PIK3C2A: variants seen among roughly 807,000 people sequenced by gnomAD.
PIK3C2A encodes phosphatidylinositol-4-phosphate 3-kinase catalytic subunit type 2 alpha.
Under a neutral mutation model 204.5 loss-of-function variants are expected in PIK3C2A, and 97 were observed. The observed-to-expected ratio is 0.47, with a 90% CI of 0.40 to 0.56. The LOEUF is 0.56. Ranked by LOEUF, PIK3C2A falls within the 20% of genes least tolerant of loss-of-function variation. PIK3C2A has a pLI of 0.00. For missense variants in PIK3C2A, 1,735 were observed against 1,969.2 expected (o/e 0.88, Z 2.25); for synonymous variants, 653 against 664.4 (o/e 0.98, Z 0.26).
chr11:17,105,254 T>G lies in PIK3C2A; in HGVS notation c.3596A>C (p.Glu1199Ala). ...TTTAAAGGATCCTGTCACACCATAT[T>G]CCACTTGGATTTTCCTGAGGGTATC... Reference protein sequence around the residue: ...ASDTLRKIQVEYGVTGSFKDK... With the variant: ...ASDTLRKIQVAYGVTGSFKDK... Residue 1199 changes from glutamate (E) to alanine (A), a missense_variant, in exon 23 of 33, where the codon GAA becomes GCA. Glu to Ala is a moderately radical substitution (Grantham distance 107). Around this residue, in one of 6 missense-constraint regions of PIK3C2A, gnomAD observed 503 missense variants for 669.0 expected, o/e 0.75. Coordinates refer to ENST00000691414, the MANE Select transcript of PIK3C2A (RefSeq NM_002645.4). The G allele has an allele frequency of 6.2e-7, 1 of 1,610,578 alleles. No homozygotes were observed. The highest frequency in any genetic ancestry group is 8.5e-7 in the Non-Finnish European group (1 of 1,177,682).
chr11:17,170,074 T>C (rs1326139430), intron 1 of PIK3C2A, among the ~76,000 whole-genome samples: 1 of 152,210 alleles, frequency 6.6e-6, no homozygotes, highest in Non-Finnish European at 1.5e-5. Context: ...TTTAGACGCT[T>C]TCATTTTAGC....
chr11:17,179,643 TCTCA>T (rs1368007385), intron 1 of PIK3C2A, among the ~76,000 whole-genome samples: 1 of 152,122 alleles, frequency 6.6e-6, no homozygotes, highest in Non-Finnish European at 1.5e-5. Context: ...AGAGACAAGG[TCTCA>T]CTCTATCACT....
In PIK3C2A at chr11:17,119,748, G is replaced by T. The variant is rs369671639; in HGVS notation, c.2846+38C>A. The T allele has an allele frequency of 1.8e-4, 243 of 1,315,734 alleles. No individual in the cohort carries two copies. Among genetic ancestry groups the T allele is most frequent in the Non-Finnish European group, 2.4e-4 (229 of 962,664 alleles). The allele number at this position is 1,315,734 out of a possible 1,614,324, so 81.5% of individuals were successfully genotyped here. On this transcript the variant is annotated intron_variant, in intron 16 of 32. Transcript: ENST00000691414. ...GGCAACATACCTTACTGGAAAAACT[G>T]ACAATAAAACAAGAGCAAATAAATG...
chr11:17,134,022 C>G (rs1849789002), intron 11 of PIK3C2A, among the ~76,000 whole-genome samples: 1 of 151,790 alleles, frequency 6.6e-6, no homozygotes, highest in Non-Finnish European at 1.5e-5. Context: ...GCTCTGTTTT[C>G]CTGCTATATT....
intron 1 of PIK3C2A, among the ~76,000 whole-genome samples, chr11:17,185,013 T>C (rs911685486): frequency 3.3e-5 from 5 of 152,072 alleles, no homozygotes; most frequent in African/African-American, 4.8e-5. Context: ...ATGTACAGTG[T>C]TTATAAAATC....
At chr11:17,134,037 T>C (rs995241582) in intron 11 of PIK3C2A, among the ~76,000 whole-genome samples, 1 of 152,198 alleles carries the variant, frequency 6.6e-6, no homozygotes, top group Admixed American at 6.5e-5. Flanking sequence ...TATATTTTCC[T>C]GCTTTTGGCA....
chr11:17,129,212 T>C, intron 13 of PIK3C2A, 88 bp downstream of exon 13: 2 of 1,000,580 alleles, frequency 2.0e-6, no homozygotes. Context: ...CTCATCTATG[T>C]TCCTCCCCTC....
chr11:17,106,123 C>T (rs967019248), intron 22 of PIK3C2A, among the ~76,000 whole-genome samples: 1 of 132,098 alleles, frequency 7.6e-6, no homozygotes, highest in Non-Finnish European at 1.6e-5. Context: ...AAAAAAAAAT[C>T]AAGTCTGGCC....
rs1440560819 is a variant in PIK3C2A, at chr11:17,155,125, T to C, written c.1169+401A>G. ...TTTTTCTAAACTTCAGAAAATATATTTGCTCTTCTAAACTTGCCTATTATA... is the reference window on the plus strand; with the variant it reads ...TTTTTCTAAACTTCAGAAAATATATCTGCTCTTCTAAACTTGCCTATTATA... On this transcript the variant is annotated intron_variant, in intron 3 of 32. Coordinates refer to ENST00000691414, the MANE Select transcript of PIK3C2A (RefSeq NM_002645.4). 2.0e-5 allele frequency among the ~76,000 whole-genome samples: 3 copies of C among 152,320 alleles called. No homozygotes were observed. The East Asian group carries it at 5.8e-4, about 29-fold the overall frequency.
chr11:17,148,536 ATT>A, intron 5 of PIK3C2A, 129 bp downstream of exon 5: 8 of 753,488 alleles, frequency 1.1e-5, no homozygotes, highest in Non-Finnish European at 1.5e-5. Context: ...ATAAAAGTTT[ATT>A]GATTCAATAA....
At chr11:17,149,490 T>C (rs1850359676) in intron 4 of PIK3C2A, among the ~76,000 whole-genome samples, 2 of 152,352 alleles carry the variant, frequency 1.3e-5, no homozygotes, top group South Asian at 4.1e-4. Flanking sequence ...CCACAGATGA[T>C]ATTTAGCAGT....
chr11:17,185,997 G>C lies in PIK3C2A; in HGVS notation c.-65-16191C>G, dbSNP rs148543320. Among the ~76,000 whole-genome samples the C allele has an allele frequency of 3.2e-4, 48 of 152,190 alleles. No individual in the cohort carries two copies. In the East Asian group the frequency reaches 8.3e-3, roughly 26 times the overall value. ...AGAGAAAAGGTACAATCTTTACAAT[G>C]GCCCACCAGGCACACTAATATTTGG... On this transcript the variant is annotated intron_variant, in intron 1 of 32. Coordinates refer to ENST00000691414, the MANE Select transcript of PIK3C2A (RefSeq NM_002645.4).
Position 17,112,608 on chromosome 11 carries a change from T to C in PIK3C2A, c.3380A>G (p.Asp1127Gly). ...GACATTAATTTCTTCTCCCATAGGG[T>C]CAGCATTCACCATTGTGACTTTTAG... ...VPLKVTMVNA[D>G]PMGEEINVMF... Residue 1127 changes from aspartate (D) to glycine (G), a missense_variant, in exon 21 of 33, where the codon GAC becomes GGC. Around this residue, in one of 6 missense-constraint regions of PIK3C2A, gnomAD observed 567 missense variants for 576.0 expected, o/e 0.98. Coordinates refer to ENST00000691414, the MANE Select transcript of PIK3C2A (RefSeq NM_002645.4). 6.4e-7 allele frequency: 1 copy of C among 1,560,172 alleles called. No individual in the cohort carries two copies. Among genetic ancestry groups the C allele is most frequent in the Non-Finnish European group, 8.7e-7 (1 of 1,146,700 alleles).
At chr11:17,172,895 G>C (rs1284936681) in intron 1 of PIK3C2A, among the ~76,000 whole-genome samples, 5 of 152,120 alleles carry the variant, frequency 3.3e-5, no homozygotes. Context: ...CCATATTGAA[G>C]GGGGGGAAAT....
intron 3 of PIK3C2A, among the ~76,000 whole-genome samples, chr11:17,153,695 T>C (rs959849267): frequency 1.3e-5 from 2 of 152,230 alleles, no homozygotes; most frequent in Admixed American, 6.5e-5. Flanking sequence ...GTCTGTTTTG[T>C]ATTTTATCTT....
At chr11:17,161,655 AAAAC>A (rs1850779617) in intron 2 of PIK3C2A, among the ~76,000 whole-genome samples, 1 of 152,192 alleles carries the variant, frequency 6.6e-6, no homozygotes, top group Non-Finnish European at 1.5e-5. Flanking sequence ...TATTATTAAT[AAAAC>A]AAAGGACACT....
At chr11:17,095,217 C>T (rs139550861) in intron 27 of PIK3C2A, among the ~76,000 whole-genome samples, 259 of 152,144 alleles carry the variant, frequency 1.7e-3, no homozygotes, top group Middle Eastern at 0.01. Context: ...AATGAGCCAA[C>T]ACTGCATCAC....
intron 8 of PIK3C2A, among the ~76,000 whole-genome samples, chr11:17,139,143 C>T (rs1256221193): frequency 2.0e-5 from 3 of 152,072 alleles, no homozygotes; most frequent in African/African-American, 7.2e-5. Context: ...AAACTCCTGA[C>T]CTCAGGTGAT....
At chr11:17,115,250 T>A (rs931562864) in intron 19 of PIK3C2A, among the ~76,000 whole-genome samples, 2 of 151,336 alleles carry the variant, frequency 1.3e-5, no homozygotes, top group African/African-American at 2.4e-5. Context: ...AAAAAAAGTA[T>A]AGGCTGGGTG....
Sources: allele counts gnomAD v4.1 joint callset (sites outside exome capture counted in the v4.1 genomes callset), GRCh38; gene constraint gnomAD v4.1.1; regional missense constraint gnomAD v4.1.1; transcripts MANE v1.5; gene names NCBI Gene and HGNC (gene_info 2026-07-23, HGNC 2026-07-21).